KNTC1: variants seen among roughly 807,000 people sequenced by gnomAD.
KNTC1 encodes kinetochore associated 1.
In KNTC1, 253 loss-of-function variants were observed where a neutral mutation model predicts 314.4. The ratio of observed to expected loss-of-function variants is 0.80; its 90% CI spans 0.73 to 0.89. KNTC1 has a LOEUF of 0.89. Ranked by LOEUF, KNTC1 falls within the 40% of genes least tolerant of loss-of-function variation. KNTC1 has a pLI of 0.00. For synonymous variants in KNTC1, 901 were observed against 901.4 expected (o/e 1.00, Z 0.01); for missense variants, 2,475 against 2,572.9 (o/e 0.96, Z 0.82).
rs61750348 is a variant in KNTC1, at chr12:122,582,915, G to A, written c.3193G>A (p.Glu1065Lys). ...ACTGGCCCTGCAGATGTCCAAACAA[G>A]AGCTGGAGGCAGAGCTGACCTTGAG... ...QALALQMSKQ[E>K]LEAELTLRAL... Residue 1065 changes from glutamate (E) to lysine (K), a missense_variant, in exon 34 of 64, where the codon GAG becomes AAG. Glu to Lys is a moderately conservative substitution (Grantham distance 56). Transcript: ENST00000333479. 160 of 1,613,552 alleles carry A rather than the reference G, an allele frequency of 9.9e-5. No individual in the cohort carries two copies. The highest frequency in any genetic ancestry group is 1.3e-4 in the Non-Finnish European group (151 of 1,179,794).
intron 20 of KNTC1, among the ~76,000 whole-genome samples, chr12:122,566,687 G>C (rs1964365303): frequency 6.6e-6 from 1 of 151,748 alleles, no homozygotes; most frequent in African/African-American, 2.4e-5. Flanking sequence ...TGGGTTACAG[G>C]AGTGAGCCAC....
rs1593692843 is a variant in KNTC1, at chr12:122,618,565, TA to T, written c.6149+21del. ...CCTCGAGTAAGCAAAATATTTGTTC[TA>T]CCAAAAAAAAAAAAAGTTTGTTGCT... On this transcript the variant is annotated intron_variant, in intron 59 of 63. Coordinates refer to ENST00000333479, the MANE Select transcript of KNTC1 (RefSeq NM_014708.6). The T allele has an allele frequency of 1.9e-6, 3 of 1,560,896 alleles. No individual in the cohort carries two copies. Among genetic ancestry groups the T allele is most frequent in the African/African-American group, 1.4e-5 (1 of 72,310 alleles).
chr12:122,572,780 A>G (rs1161608870), intron 24 of KNTC1, among the ~76,000 whole-genome samples, 157 bp from the exon 25 acceptor site: 1 of 152,222 alleles, frequency 6.6e-6, no homozygotes. Flanking sequence ...TGGTTAAAAT[A>G]CTACAAAATT....
At chr12:122,618,308 A>G in intron 57 of KNTC1, 35 bp from the exon 58 acceptor site, 1 of 1,597,844 alleles carries the variant, frequency 6.3e-7, no homozygotes, top group South Asian at 1.1e-5. Context: ...AATATCCTTA[A>G]CATGAATATC....
Position 122,575,562 on chromosome 12 carries a change from T to C in KNTC1, c.2402T>C (p.Leu801Pro). The change falls in exon 28 of 64, where the codon CTC (leucine) becomes CCC (proline). Residue 801 changes from leucine (L) to proline (P), a missense_variant. Leu to Pro is a moderately conservative substitution (Grantham distance 98, BLOSUM62 -3). Transcript: ENST00000333479. Reference protein sequence around the residue: ...SDTDLIFDAVLKIMYAAVVPW... With the variant: ...SDTDLIFDAVPKIMYAAVVPW... ...TTGTAGCTCATATTTGATGCCGTGC[T>C]CAAGATCATGTATGCGGCAGTGGTT... The C allele has an allele frequency of 1.3e-6, 2 of 1,593,250 alleles. No individual in the cohort carries two copies. The highest frequency in any genetic ancestry group is 1.7e-6 in the Non-Finnish European group (2 of 1,169,418).
At chr12:122,546,593 C>T (rs1382987126) in intron 9 of KNTC1, 29 bp from the exon 10 acceptor site, 17 of 1,437,742 alleles carry the variant, frequency 1.2e-5, no homozygotes, top group Non-Finnish European at 1.6e-5. Flanking sequence ...GAAATAAAAT[C>T]CTGAGACATC....
intron 50 of KNTC1, 66 bp downstream of exon 50, chr12:122,605,153 T>A: frequency 7.3e-7 from 1 of 1,376,764 alleles, no homozygotes; most frequent in Admixed American, 2.0e-5. Context: ...GTTTTATGTA[T>A]ATATGTACGT....
intron 40 of KNTC1, 118 bp downstream of exon 40, chr12:122,588,934 C>A: frequency 1.9e-6 from 1 of 517,990 alleles, no homozygotes; most frequent in East Asian, 3.3e-5. Context: ...TATTCAAAAA[C>A]TTCAAGAAAC....
chr12:122,589,776 ATTTT>A (rs375169727), intron 40 of KNTC1, among the ~76,000 whole-genome samples: 3 of 94,592 alleles, frequency 3.2e-5, no homozygotes, highest in African/African-American at 4.3e-5. Context: ...GGGCCCCCCA[ATTTT>A]TTTTTTTTTT....
At chr12:122,544,117 A>G (rs1337400354) in intron 7 of KNTC1, 42 bp from the exon 8 acceptor site, 2 of 799,988 alleles carry the variant, frequency 2.5e-6, no homozygotes, top group African/African-American at 1.8e-5. Context: ...TGGAGCATAA[A>G]TATGTATTAT....
intron 27 of KNTC1, 25 bp from the exon 28 acceptor site, chr12:122,575,518 T>C: frequency 1.3e-6 from 2 of 1,524,758 alleles, no homozygotes; most frequent in African/African-American, 1.4e-5. Flanking sequence ...GGGCTGTTCC[T>C]TGTCCATGCG....
rs1195872244 is a variant in KNTC1 at position 122,541,349 on chromosome 12, CT to C, written c.446-688del. 3.2e-3 allele frequency among the ~76,000 whole-genome samples: 415 copies of C among 131,460 alleles called. 3 individuals carry two copies. Among genetic ancestry groups the C allele is most frequent in the African/African-American group, 9.4e-3 (338 of 36,032 alleles). The allele number at this position is 131,460 out of a possible 152,430, so 86.2% of individuals were successfully genotyped here. On this transcript the variant is annotated intron_variant, in intron 5 of 63. Coordinates refer to ENST00000333479, the MANE Select transcript of KNTC1 (RefSeq NM_014708.6). ...CCGTCCTTCCTCTGTCTCTCCCTCT[CT>C]TTTTTTTTTTTTCTGAGATGGAGTC... is the stretch of plus-strand genomic sequence containing the variant.
intron 18 of KNTC1, among the ~76,000 whole-genome samples, chr12:122,559,073 G>A (rs1390510928): frequency 6.6e-6 from 1 of 152,056 alleles, no homozygotes; most frequent in Non-Finnish European, 1.5e-5. Flanking sequence ...TTTGGGCTGG[G>A]CACGTTGTTT....
At chr12:122,571,243 G>T in intron 24 of KNTC1, 117 bp downstream of exon 24, 1 of 699,734 alleles carries the variant, frequency 1.4e-6, no homozygotes, top group Non-Finnish European at 2.2e-6. Flanking sequence ...CTGTTTTTTT[G>T]TGCCTTTTTT....
rs1010322126 is a variant in KNTC1, at chr12:122,547,455, T to G, written c.857T>G (p.Val286Gly). Residue 286 changes from valine to glycine, a missense_variant, in exon 11 of 64, where the codon GTA (valine) becomes GGA (glycine). Physicochemically the swap from Val to Gly is moderately radical, Grantham distance 109 (BLOSUM62 -3). Transcript: ENST00000333479. ...TGGGATATTTACACTCTAACTCCTGTATGGAACTGGCCCTCTCTTCACGTA... is the reference window on the plus strand; with the variant it reads ...TGGGATATTTACACTCTAACTCCTGGATGGAACTGGCCCTCTCTTCACGTA... ...SLWDIYTLTPVWNWPSLHVEE... is the reference protein window; with the variant it reads ...SLWDIYTLTPGWNWPSLHVEE... 1 of 1,613,092 alleles carries G rather than the reference T, an allele frequency of 6.2e-7. No individual in the cohort carries two copies. The highest frequency in any genetic ancestry group is 8.5e-7 in the Non-Finnish European group (1 of 1,179,184).
intron 52 of KNTC1, among the ~76,000 whole-genome samples, chr12:122,609,846 T>C (rs1414176115): frequency 6.6e-6 from 1 of 152,224 alleles, no homozygotes; most frequent in Non-Finnish European, 1.5e-5. Context: ...TTTTATCTAA[T>C]GTGCTAGATC....
intron 26 of KNTC1, among the ~76,000 whole-genome samples, chr12:122,573,697 C>T (rs1964842986): frequency 6.6e-6 from 1 of 152,126 alleles, no homozygotes; most frequent in Non-Finnish European, 1.5e-5. Flanking sequence ...CAACTTGAAG[C>T]AAAGGCAGGA....
At chr12:122,545,747 G>T (rs1038885369) in intron 8 of KNTC1, among the ~76,000 whole-genome samples, 1 of 151,678 alleles carries the variant, frequency 6.6e-6, no homozygotes, top group Non-Finnish European at 1.5e-5. Context: ...CACCCAGGAG[G>T]TTGAGACCAG....
Position 122,615,029 on chromosome 12 carries a change from A to C in KNTC1, c.5916A>C (p.Lys1972Asn). Reference protein sequence around the residue: ...RLVTELCLEYKIYDLQLWNGL... With the variant: ...RLVTELCLEYNIYDLQLWNGL... ...TGACTGAGCTGTGTTTAGAATACAA[A>C]ATCTATGACCTGCAGCTTTGGAATG... is the stretch of plus-strand genomic sequence containing the variant. The change falls in exon 56 of 64, where the codon AAA becomes AAC. Residue 1972 changes from lysine (K) to asparagine (N), a missense_variant. Coordinates refer to ENST00000333479, the MANE Select transcript of KNTC1 (RefSeq NM_014708.6). The C allele has an allele frequency of 6.2e-7, 1 of 1,613,636 alleles. No individual in the cohort carries two copies. Among genetic ancestry groups the C allele is most frequent in the Non-Finnish European group, 8.5e-7 (1 of 1,179,778 alleles).
Sources: allele counts gnomAD v4.1 joint callset (sites outside exome capture counted in the v4.1 genomes callset), GRCh38; gene constraint gnomAD v4.1.1; transcripts MANE v1.5; gene names NCBI Gene and HGNC (gene_info 2026-07-23, HGNC 2026-07-21).